The following ZMYND11 variants were observed in gnomAD, a reference collection of about 807,000 sequenced individuals.
The protein encoded by ZMYND11 is zinc finger MYND-type containing 11.
Under a neutral mutation model 84.9 loss-of-function variants are expected in ZMYND11, and 9 were observed. The ratio of observed to expected loss-of-function variants is 0.11; its 90% CI spans 0.06 to 0.18. The LOEUF (loss-of-function observed/expected upper bound fraction) is 0.18. Ranked by LOEUF, ZMYND11 falls within the 10% of genes least tolerant of loss-of-function variation. ZMYND11 has a pLI of 1.00. For synonymous variants in ZMYND11, 250 were observed against 244.1 expected, an observed-to-expected ratio of 1.02 and a Z score of -0.23; for missense variants, 409 against 761.0, an observed-to-expected ratio of 0.54 and a Z score of 5.44.
chr10:202,709 C>T (rs1465131512), intron 2 of ZMYND11, among the ~76,000 whole-genome samples: 1 of 152,218 alleles, frequency 6.6e-6, no homozygotes, highest in African/African-American at 2.4e-5. Context: ...ACCTGCTCTT[C>T]ATGGCATACA....
chr10:249,248 C>T (rs1952824999), intron 14 of ZMYND11, 160 bp downstream of exon 14: 8 of 1,453,504 alleles, frequency 5.5e-6, no homozygotes, highest in Non-Finnish European at 6.3e-6. Flanking sequence ...ATTAAAAGTC[C>T]TATGATCTCT....
intron 1 of ZMYND11, among the ~76,000 whole-genome samples, chr10:176,077 T>C (rs1430483637): frequency 1.3e-5 from 2 of 152,226 alleles, no homozygotes; most frequent in East Asian, 3.8e-4. Flanking sequence ...ATTTTGCTTA[T>C]TCTTAAGTTT....
chr10:153,672 T>G (rs999877483), intron 1 of ZMYND11, among the ~76,000 whole-genome samples: 2 of 152,212 alleles, frequency 1.3e-5, no homozygotes, highest in African/African-American at 2.4e-5. Context: ...TCATCATAGT[T>G]ATGCAGTGAA....
Position 180,081 on chromosome 10 carries a change from G to T in ZMYND11, c.69G>T (p.Glu23Asp). 1 of 1,613,698 alleles carries T rather than the reference G, an allele frequency of 6.2e-7. No homozygotes were observed. Among genetic ancestry groups the T allele is most frequent in the South Asian group, 1.1e-5 (1 of 91,056 alleles). ...KAIQHLWAAI[E>D]IIRNQKQIAN... ...TCCAGCATCTTTGGGCAGCCATTGAGATTATACGGAACCAGAAGCAGATTG... is the reference window on the plus strand; with the variant it reads ...TCCAGCATCTTTGGGCAGCCATTGATATTATACGGAACCAGAAGCAGATTG... The change falls in exon 2 of 15, where the codon GAG (glutamate) becomes GAT (aspartate). Residue 23 changes from glutamate to aspartate, a missense_variant. By Grantham distance (45) the Glu-to-Asp change is conservative. This residue lies in a region of ZMYND11 where 73 missense variants were observed against 185.8 expected (regional missense o/e 0.39). Transcript: ENST00000381604.
chr10:154,073 A>T (rs1177461111), intron 1 of ZMYND11, among the ~76,000 whole-genome samples: 1 of 152,206 alleles, frequency 6.6e-6, no homozygotes, highest in Non-Finnish European at 1.5e-5. Flanking sequence ...TGTTTAATTG[A>T]TCGTCATCCC....
intron 10 of ZMYND11, 64 bp downstream of exon 10, chr10:242,203 T>TGATTTCTCCATCAGA: frequency 6.3e-7 from 1 of 1,574,952 alleles, no homozygotes; most frequent in East Asian, 2.3e-5. Context: ...GAAAGTTTGA[T>TGATTTCTCCATCAGA]GATTTCTCCA....
At chr10:251,942 G>A (rs1289325783) in intron 14 of ZMYND11, among the ~76,000 whole-genome samples, 1 of 152,174 alleles carries the variant, frequency 6.6e-6, no homozygotes, top group Non-Finnish European at 1.5e-5. Flanking sequence ...TATGAGTAAA[G>A]ACTGCAGCGT....
chr10:191,921 T>C (rs1481434268), intron 2 of ZMYND11, among the ~76,000 whole-genome samples: 1 of 152,244 alleles, frequency 6.6e-6, no homozygotes, highest in African/African-American at 2.4e-5. Context: ...CACTGTAATA[T>C]GAGCTGGGCA....
intron 1 of ZMYND11, chr10:147,806 G>A (rs1367674125): frequency 6.6e-6 from 1 of 152,012 alleles, no homozygotes; most frequent in Non-Finnish European, 1.5e-5. Flanking sequence ...ATGCACATCA[G>A]ATCTTGAGAT....
chr10:187,311 A>G (rs1458396623), intron 2 of ZMYND11, among the ~76,000 whole-genome samples: 1 of 152,168 alleles, frequency 6.6e-6, no homozygotes, highest in Non-Finnish European at 1.5e-5. Context: ...TTAGATAATC[A>G]CTGCTAAGAT....
Position 253,875 on chromosome 10 carries a change from C to T in ZMYND11, c.*1405C>T, listed in dbSNP as rs1953936596. ...GTATTCTCCAGGTTTGTCAGGGTCA[C>T]TCTAAAGATAAAAATGTAACTAAGT... On this transcript the variant is annotated 3_prime_UTR_variant, in exon 15 of 15. Transcript: ENST00000381604. 2 of 152,632 alleles carry T rather than the reference C, an allele frequency of 1.3e-5. No individual in the cohort carries two copies. Among genetic ancestry groups the T allele is most frequent in the Non-Finnish European group, 2.9e-5 (2 of 68,036 alleles). 9.5% of individuals were successfully genotyped at this position (152,632 alleles called of 1,614,324 possible).
intron 2 of ZMYND11, among the ~76,000 whole-genome samples, chr10:204,027 C>G (rs1476355626): frequency 6.6e-6 from 1 of 152,150 alleles, no homozygotes; most frequent in Non-Finnish European, 1.5e-5. Context: ...TACATTATTT[C>G]TAATTGTTTC....
chr10:241,738 C>T (rs912794391), intron 9 of ZMYND11, among the ~76,000 whole-genome samples: 5 of 151,392 alleles, frequency 3.3e-5, no homozygotes, highest in African/African-American at 1.2e-4. Context: ...GCTGCTGGCT[C>T]CCCAGCTGCA....
intron 5 of ZMYND11, among the ~76,000 whole-genome samples, chr10:237,364 C>T (rs188777434): frequency 9.9e-5 from 15 of 152,120 alleles, no homozygotes; most frequent in African/African-American, 2.9e-4. Context: ...AAATATTGGC[C>T]GGGCGCCGTG....
chr10:186,592 G>C (rs948414723), intron 2 of ZMYND11, among the ~76,000 whole-genome samples: 7 of 147,388 alleles, frequency 4.7e-5, no homozygotes, highest in Non-Finnish European at 8.9e-5. Context: ...GGTGAGCTGA[G>C]CTGAGATCGG....
chr10:136,780 G>C (rs1342978134), intron 1 of ZMYND11, among the ~76,000 whole-genome samples: 4 of 152,032 alleles, frequency 2.6e-5, no homozygotes, highest in Non-Finnish European at 4.4e-5. Flanking sequence ...GTCATATATG[G>C]TGTGTACATA....
intron 7 of ZMYND11, 26 bp downstream of exon 7, chr10:239,551 T>G (rs777834790): frequency 9.8e-6 from 15 of 1,527,234 alleles, no homozygotes; most frequent in African/African-American, 1.4e-5. Context: ...TTTTTTTGTA[T>G]GCATTTTTAA....
intron 1 of ZMYND11, among the ~76,000 whole-genome samples, chr10:172,435 C>G (rs1185537682): frequency 6.6e-6 from 1 of 152,140 alleles, no homozygotes; most frequent in African/African-American, 2.4e-5. Flanking sequence ...ATACAAAAAT[C>G]TATCACTTTC....
intron 1 of ZMYND11, chr10:148,337 T>A (rs1276627038): frequency 7.0e-6 from 1 of 142,660 alleles, no homozygotes; most frequent in African/African-American, 2.6e-5. Context: ...CTAACTTCCT[T>A]TGCTCTGGGA....
Sources: allele counts gnomAD v4.1 joint callset (sites outside exome capture counted in the v4.1 genomes callset), GRCh38; gene constraint gnomAD v4.1.1; regional missense constraint gnomAD v4.1.1; transcripts MANE v1.5; gene names NCBI Gene and HGNC (gene_info 2026-07-23, HGNC 2026-07-21).